Variants in PCYT1B observed in about 807,000 individuals in gnomAD.
PCYT1B encodes the protein phosphate cytidylyltransferase 1B, choline, also known as choline-phosphate cytidylyltransferase B.
In PCYT1B, 10 loss-of-function variants were observed where a neutral mutation model predicts 26.4. The ratio of observed to expected loss-of-function variants is 0.38; its 90% CI spans 0.23 to 0.64. The LOEUF is 0.64. Ranked by LOEUF, PCYT1B falls within the 30% of genes least tolerant of loss-of-function variation. PCYT1B has a pLI of 0.56. For synonymous variants in PCYT1B, 131 were observed against 108.4 expected, an observed-to-expected ratio of 1.21 and a Z score of -1.29; for missense variants, 161 against 292.7, an observed-to-expected ratio of 0.55 and a Z score of 3.28.
chrX:24,611,557 G>A (rs1429422416), intron 2 of PCYT1B, among the ~76,000 whole-genome samples: 2 of 111,691 alleles, frequency 1.8e-5, no homozygotes, highest in East Asian at 5.6e-4. Flanking sequence ...CTGCCTCCTG[G>A]TGCCCATGCC....
chrX:24,639,711 C>T (rs1038666139), intron 1 of PCYT1B, among the ~76,000 whole-genome samples: 5 of 111,825 alleles, frequency 4.5e-5, no homozygotes, highest in Non-Finnish European at 7.5e-5. Flanking sequence ...GATAGAGAGG[C>T]CTTCAACTTT....
chrX:24,595,278 G>C (rs944429688), intron 3 of PCYT1B, among the ~76,000 whole-genome samples: 5 of 109,109 alleles, frequency 4.6e-5, no homozygotes, highest in African/African-American at 1.7e-4. Context: ...TGAGAGAGGA[G>C]ATCTCTCCAA....
At chrX:24,565,390 G>A (rs2319591) in intron 7 of PCYT1B, among the ~76,000 whole-genome samples, 1 of 109,746 alleles carries the variant, frequency 9.1e-6, no homozygotes, top group Non-Finnish European at 1.9e-5. Flanking sequence ...CAGGAGGAAG[G>A]GGGGGAAGAA....
chrX:24,647,361 C>A (rs1926665169), upstream of PCYT1B: 1 of 804,028 alleles, frequency 1.2e-6, no homozygotes, highest in Admixed American at 5.0e-5. Context: ...GCGGCTGGTG[C>A]GGGATACAGT....
chrX:24,648,967 A>G (rs957440855), upstream of PCYT1B, among the ~76,000 whole-genome samples: 19 of 112,143 alleles, frequency 1.7e-4, no homozygotes, highest in African/African-American at 5.8e-4. Flanking sequence ...AAAGAGGGCT[A>G]GTCCTAAAAG....
intron 3 of PCYT1B, among the ~76,000 whole-genome samples, chrX:24,600,201 C>T (rs1295455025): frequency 9.0e-6 from 1 of 111,473 alleles, no homozygotes; most frequent in Non-Finnish European, 1.9e-5. Flanking sequence ...GCCATTGCGC[C>T]TGGCCCATAA....
At chrX:24,602,734 C>T (rs1925007190) in intron 3 of PCYT1B, among the ~76,000 whole-genome samples, 1 of 112,040 alleles carries the variant, frequency 8.9e-6, no homozygotes, top group South Asian at 3.7e-4. Context: ...TCACAATATT[C>T]CAGAATTTAC....
intron 1 of PCYT1B, among the ~76,000 whole-genome samples, chrX:24,626,305 T>C (rs1204720929): frequency 8.9e-6 from 1 of 112,074 alleles, no homozygotes; most frequent in Non-Finnish European, 1.9e-5. Context: ...GGTACTATAC[T>C]GGGCAATGCA....
At chrX:24,571,005 G>A (rs949352818) in intron 7 of PCYT1B, among the ~76,000 whole-genome samples, 2 of 112,000 alleles carry the variant, frequency 1.8e-5, no homozygotes, top group African/African-American at 3.2e-5. Context: ...CCATCCTACC[G>A]CCTACCAACT....
chrX:24,625,670 AAG>A (rs1925862029), intron 1 of PCYT1B, among the ~76,000 whole-genome samples: 1 of 105,529 alleles, frequency 9.5e-6, no homozygotes, highest in East Asian at 2.9e-4. Flanking sequence ...AATTATATCT[AAG>A]ACATTTTGTT....
At chrX:24,649,029 G>GCTGGCC (rs1316579027), upstream of PCYT1B, among the ~76,000 whole-genome samples, 1 of 111,777 alleles carries the variant, frequency 8.9e-6, no homozygotes, top group African/African-American at 3.3e-5. Flanking sequence ...AGTTTTAGAT[G>GCTGGCC]CTGGCCCTTT....
At position 24,563,219 on chromosome X, in the gene PCYT1B, A is replaced by C. The variant is rs61762689; in HGVS notation, c.898-714T>G. Among the ~76,000 whole-genome samples the C allele has an allele frequency of 4.9e-3, 544 of 112,027 alleles. 3 individuals carry two copies. The highest frequency in any genetic ancestry group is 0.017 in the African/African-American group (520 of 30,821). ...CACAATAAACAAAATATGGTATGTCAGATGGATCTGTGGTCTGTGAGAAAA... is the reference window on the plus strand; with the variant it reads ...CACAATAAACAAAATATGGTATGTCCGATGGATCTGTGGTCTGTGAGAAAA... On this transcript the variant is annotated intron_variant, in intron 7 of 7. Transcript: ENST00000379144.
intron 2 of PCYT1B, among the ~76,000 whole-genome samples, chrX:24,610,531 A>G (rs1925277008): frequency 1.8e-5 from 2 of 112,114 alleles, no homozygotes; most frequent in African/African-American, 6.5e-5. Context: ...TTGTTTTAAG[A>G]TATAAACCCC....
At chrX:24,617,848 G>A (rs1925565544) in intron 2 of PCYT1B, among the ~76,000 whole-genome samples, 1 of 111,647 alleles carries the variant, frequency 9.0e-6, no homozygotes, top group Admixed American at 9.6e-5. Context: ...CTACACAGCT[G>A]TCTATTTCTG....
intron 1 of PCYT1B, among the ~76,000 whole-genome samples, chrX:24,643,160 T>G (rs988365721): frequency 3.6e-5 from 4 of 111,494 alleles, no homozygotes; most frequent in African/African-American, 1.3e-4. Context: ...TGGCTGGGCC[T>G]TGTTAGAAAG....
At chrX:24,591,104 T>C (rs1924551084) in intron 3 of PCYT1B, among the ~76,000 whole-genome samples, 1 of 111,842 alleles carries the variant, frequency 8.9e-6, no homozygotes, top group Non-Finnish European at 1.9e-5. Flanking sequence ...CCACATCTCT[T>C]ATATTTTCTA....
At chrX:24,634,475 C>T (rs370948864) in intron 1 of PCYT1B, among the ~76,000 whole-genome samples, 6 of 111,935 alleles carry the variant, frequency 5.4e-5, no homozygotes, top group Admixed American at 9.5e-5. Context: ...AGGCCGTGCG[C>T]GGTGGCTCAC....
chrX:24,576,593 C>G (rs768563945), intron 6 of PCYT1B, among the ~76,000 whole-genome samples: 22 of 112,112 alleles, frequency 2.0e-4, no homozygotes, highest in Admixed American at 1.8e-3. Context: ...GCATGAGCCA[C>G]TGTGCCTGGC....
At chrX:24,629,527 T>G (rs1925980412) in intron 1 of PCYT1B, among the ~76,000 whole-genome samples, 1 of 75,903 alleles carries the variant, frequency 1.3e-5, no homozygotes, top group African/African-American at 5.4e-5. Context: ...GCCACTGCAC[T>G]CCAGCCTGGG....
Sources: gnomAD v4.1 joint callset for allele counts (sites outside exome capture counted in the v4.1 genomes callset) on GRCh38, gnomAD v4.1.1 for gene constraint, MANE v1.5 for transcripts, NCBI Gene and HGNC (gene_info 2026-07-23, HGNC 2026-07-21) for gene names.